Variants in DMD observed in about 807,000 individuals in gnomAD.
DMD encodes mutant dystrophin.
A neutral mutation model predicts 330.1 loss-of-function variants in DMD; 63 were observed. That is an observed-to-expected ratio of 0.19 (90% confidence interval 0.16 to 0.24). The LOEUF (loss-of-function observed/expected upper bound fraction) is 0.24. Among genes scored for constraint, DMD ranks in the 10% least tolerant of loss-of-function variants. The pLI is 1.00. For synonymous variants in DMD, 1,223 were observed against 959.8 expected, an observed-to-expected ratio of 1.27 and a Z score of -5.07; for missense variants, 3,344 against 2,684.1, an observed-to-expected ratio of 1.25 and a Z score of -5.43.
chrX:31,653,769 G>A (rs765201554), intron 54 of DMD, among the ~76,000 whole-genome samples: 1 of 111,227 alleles, frequency 9.0e-6, no homozygotes, highest in South Asian at 3.8e-4. Context: ...CACAGAGATT[G>A]AAGACAAAGA....
intron 50 of DMD, among the ~76,000 whole-genome samples, chrX:31,818,228 T>C (rs1158196552): frequency 8.9e-6 from 1 of 112,355 alleles, no homozygotes; most frequent in Non-Finnish European, 1.9e-5. Flanking sequence ...CATTAGTTTA[T>C]TGTCTTTCTC....
At chrX:31,472,525 C>T (rs1158184005) in intron 59 of DMD, among the ~76,000 whole-genome samples, 1 of 112,261 alleles carries the variant, frequency 8.9e-6, no homozygotes, top group Non-Finnish European at 1.9e-5. Context: ...CATTATATCA[C>T]ATTTCACATT....
intron 63 of DMD, among the ~76,000 whole-genome samples, chrX:31,234,071 C>T (rs940245771): frequency 5.3e-5 from 6 of 112,165 alleles, no homozygotes; most frequent in Non-Finnish European, 7.5e-5. Flanking sequence ...GCAACGGAGG[C>T]TCTGTTACCC....
At chrX:31,862,043 T>C (rs891638525) in intron 48 of DMD, among the ~76,000 whole-genome samples, 1 of 109,834 alleles carries the variant, frequency 9.1e-6, no homozygotes, top group East Asian at 2.9e-4. Flanking sequence ...GGAGAGAAAC[T>C]GTGTGGCTGA....
rs764848078 is a variant in DMD at position 31,538,854 on chromosome X, G to A, written c.8218-31401C>T. Among the ~76,000 whole-genome samples, 6 of 110,898 alleles carry A rather than the reference G, an allele frequency of 5.4e-5. No individual in the cohort carries two copies. In the South Asian group the frequency reaches 2.4e-3, roughly 44 times the overall value. On this transcript the variant is annotated intron_variant, in intron 55 of 78. Coordinates refer to ENST00000357033, the MANE Select transcript of DMD (RefSeq NM_004006.3). The stretch of plus-strand genomic sequence containing the variant: ...TGAACAGCTGTGCAAGTTGTACACC[G>A]AGAAAAACAAAGAAGTACCATTCAC...
intron 63 of DMD, among the ~76,000 whole-genome samples, chrX:31,234,651 A>G (rs755149372): frequency 3.8e-4 from 43 of 112,129 alleles, no homozygotes; most frequent in African/African-American, 1.4e-3. Context: ...AAGATTATTC[A>G]CCCTGTAAAA....
chrX:32,753,424 G>A (rs371490444), intron 7 of DMD, among the ~76,000 whole-genome samples: 1 of 111,384 alleles, frequency 9.0e-6, no homozygotes, highest in South Asian at 3.8e-4. Context: ...TTCCAGATGT[G>A]GTTCGACTTT....
At chrX:32,815,552 T>C (rs2077697175) in intron 6 of DMD, among the ~76,000 whole-genome samples, 1 of 97,671 alleles carries the variant, frequency 1.0e-5, no homozygotes, top group African/African-American at 4.3e-5. Context: ...TATACATATA[T>C]AGAGTATAAA....
chrX:33,067,884 A>G lies in DMD; in HGVS notation c.32-47684T>C, dbSNP rs139388722. Among the ~76,000 whole-genome samples the G allele has an allele frequency of 5.7e-3, 640 of 111,460 alleles. 9 individuals are homozygous for G. Among genetic ancestry groups the G allele is most frequent in the African/African-American group, 0.02 (611 of 30,716 alleles). On this transcript the variant is annotated intron_variant, in intron 1 of 78. Coordinates refer to ENST00000357033, the MANE Select transcript of DMD (RefSeq NM_004006.3). The stretch of plus-strand genomic sequence containing the variant: ...AAATAAATAAATAATAAAAATAAAA[A>G]TTCTTTAGTGAGATGAACTGTTAAT...
At chrX:32,160,125 G>T (rs994765773) in intron 44 of DMD, among the ~76,000 whole-genome samples, 3 of 111,192 alleles carry the variant, frequency 2.7e-5, no homozygotes, top group African/African-American at 9.8e-5. Context: ...CTTAGAGCTG[G>T]AAATTCAGCA....
At chrX:33,037,440 G>A (rs1180667203) in intron 1 of DMD, among the ~76,000 whole-genome samples, 8 of 110,548 alleles carry the variant, frequency 7.2e-5, no homozygotes, top group Non-Finnish European at 1.5e-4. Flanking sequence ...AAGCTGTTTT[G>A]GTTTGTTCAG....
chrX:32,055,869 G>T (rs1350361259), intron 44 of DMD, among the ~76,000 whole-genome samples: 1 of 111,187 alleles, frequency 9.0e-6, no homozygotes, highest in Non-Finnish European at 1.9e-5. Context: ...TTGGAATTTA[G>T]GAGGCTGCTA....
At chrX:31,976,922 A>G (rs1014144896) in intron 44 of DMD, among the ~76,000 whole-genome samples, 2 of 111,735 alleles carry the variant, frequency 1.8e-5, no homozygotes, top group African/African-American at 6.5e-5. Context: ...TAGGGTAACT[A>G]CTAGGTGTCT....
In DMD at chrX:32,452,409, G is replaced by GGAAA. The variant is rs2098336083; in HGVS notation, c.3603+2252_3603+2253insTTTC. 9.8e-5 allele frequency among the ~76,000 whole-genome samples: 2 copies of GGAAA among 20,411 alleles called. 1 individual carries two copies. The highest frequency in any genetic ancestry group is 4.1e-4 in the African/African-American group (2 of 4,851). The allele number at this position is 20,411 out of a possible 115,157, so 17.7% of individuals were successfully genotyped here. ...AAAGGGAAAGGGAAGGGAAAGGAAA[G>GGAAA]GGAAAGGGAAAGGGAAAGGGAAAGG... On this transcript the variant is annotated intron_variant, in intron 26 of 78. Coordinates refer to ENST00000357033, the MANE Select transcript of DMD (RefSeq NM_004006.3).
chrX:31,305,548 G>C (rs1468614699), intron 62 of DMD, among the ~76,000 whole-genome samples: 1 of 111,447 alleles, frequency 9.0e-6, no homozygotes, highest in African/African-American at 3.3e-5. Context: ...CCTTTATCTA[G>C]ATCTTATCTA....
rs988688912 is a variant in DMD at position 32,150,095 on chromosome X, C to T, written c.6438+66821G>A. Among the ~76,000 whole-genome samples the T allele has an allele frequency of 3.6e-5, 4 of 112,065 alleles. No homozygotes were observed. The East Asian group carries it at 8.4e-4, about 24-fold the overall frequency. On this transcript the variant is annotated intron_variant, in intron 44 of 78. Coordinates refer to ENST00000357033, the MANE Select transcript of DMD (RefSeq NM_004006.3). ...GCCTCAAGGCCACCCTCCAACAGAG[C>T]GATTAGGGAGCTAGTTGTTGGGAGT...
At chrX:31,846,098 A>C (rs2093421655) in intron 48 of DMD, among the ~76,000 whole-genome samples, 1 of 110,562 alleles carries the variant, frequency 9.0e-6, no homozygotes, top group Admixed American at 9.7e-5. Context: ...AAAAACCCAA[A>C]ATAGAAGTGA....
Position 33,025,644 on chromosome X carries a change from C to A in DMD, c.32-5444G>T, listed in dbSNP as rs145693404. On this transcript the variant is annotated intron_variant, in intron 1 of 78. Transcript: ENST00000357033. ...CACAGCTCACTGTAACTTCAGACCCCTGGGCTCAAGCAATTCTCTCACCTC... is the reference window on the plus strand; with the variant it reads ...CACAGCTCACTGTAACTTCAGACCCATGGGCTCAAGCAATTCTCTCACCTC... 9.8e-3 allele frequency among the ~76,000 whole-genome samples: 1,096 copies of A among 111,814 alleles called. 14 individuals carry two copies. The highest frequency in any genetic ancestry group is 0.032 in the African/African-American group (993 of 30,758).
Position 31,773,998 on chromosome X carries a change from C to T in DMD, c.7504G>A (p.Asp2502Asn). The T allele has an allele frequency of 8.3e-7, 1 of 1,209,498 alleles. No homozygotes were observed. ...VIKSQRVMVG[D>N]LEDINEMIIK... ...ATCATCTCGTTGATATCCTCAAGGT[C>T]ACCCACCATCACCCTCTGTGATTTT... The change falls in exon 51 of 79, where the codon GAC (aspartate) becomes AAC (asparagine). Residue 2502 changes from aspartate (D) to asparagine (N), a missense_variant. By Grantham distance (23) the Asp-to-Asn change is conservative (BLOSUM62 1). Coordinates refer to ENST00000357033, the MANE Select transcript of DMD (RefSeq NM_004006.3).
Sources: allele counts gnomAD v4.1 joint callset (sites outside exome capture counted in the v4.1 genomes callset), GRCh38; gene constraint gnomAD v4.1.1; transcripts MANE v1.5; gene names NCBI Gene and HGNC (gene_info 2026-07-23, HGNC 2026-07-21).